ENTREP2: variants seen among roughly 807,000 people sequenced by gnomAD.
ENTREP2 encodes the protein endosomal transmembrane epsin interactor 2.
chr15:29,602,072 A>G, the ENTREP2 span, among the ~76,000 whole-genome samples: 1 of 152,226 alleles, frequency 6.6e-6, no homozygotes, highest in Non-Finnish European at 1.5e-5. Flanking sequence ...GAGTTATTTA[A>G]TGAAACCATG....
At chr15:29,172,314 C>T in the ENTREP2 span, among the ~76,000 whole-genome samples, 1 of 152,188 alleles carries the variant, frequency 6.6e-6, no homozygotes, top group Non-Finnish European at 1.5e-5. Flanking sequence ...ATTTATCTTG[C>T]TAACCACCAT....
the ENTREP2 span, chr15:29,136,384 GC>G: frequency 2.6e-6 from 4 of 1,511,478 alleles, no homozygotes; most frequent in South Asian, 3.9e-5. Context: ...CAGGGGGCTG[GC>G]CCACCACCGC....
chr15:29,321,177 A>C, the ENTREP2 span, among the ~76,000 whole-genome samples: 1 of 152,202 alleles, frequency 6.6e-6, no homozygotes, highest in Non-Finnish European at 1.5e-5. Flanking sequence ...CCAAAGTCCA[A>C]GAGAAGATCT....
At chr15:29,548,448 C>T in the ENTREP2 span, among the ~76,000 whole-genome samples, 1 of 57,962 alleles carries the variant, frequency 1.7e-5, no homozygotes, top group Non-Finnish European at 3.2e-5. Flanking sequence ...GAGCGAGATT[C>T]TGCCTAAAAA....
At chr15:29,357,335 GAATTAATA>G in the ENTREP2 span, among the ~76,000 whole-genome samples, 1 of 151,996 alleles carries the variant, frequency 6.6e-6, no homozygotes, top group Non-Finnish European at 1.5e-5. Context: ...CCCAGTGAAG[GAATTAATA>G]AATTAATAAA....
the ENTREP2 span, among the ~76,000 whole-genome samples, chr15:29,435,838 C>T: frequency 9.0e-3 from 1,371 of 152,104 alleles, 20 homozygotes; most frequent in African/African-American, 0.032. Flanking sequence ...CTGGAGTTTT[C>T]GGTTTTAGTG....
the ENTREP2 span, among the ~76,000 whole-genome samples, chr15:29,163,547 T>A: frequency 6.6e-6 from 1 of 151,804 alleles, no homozygotes; most frequent in Non-Finnish European, 1.5e-5. Flanking sequence ...AGGAATAGAA[T>A]TGAAAAAGTA....
At chr15:29,575,265 G>T in the ENTREP2 span, among the ~76,000 whole-genome samples, 2 of 152,128 alleles carry the variant, frequency 1.3e-5, no homozygotes, top group Admixed American at 1.3e-4. Flanking sequence ...CAAAACAATA[G>T]AAAATTCTCT....
At chr15:29,664,706 G>A in the ENTREP2 span, among the ~76,000 whole-genome samples, 1 of 152,150 alleles carries the variant, frequency 6.6e-6, no homozygotes. Flanking sequence ...TGCATTGACT[G>A]GTCCTCGGCC....
At chr15:29,233,993 G>A in the ENTREP2 span, 94 of 1,496,300 alleles carry the variant, frequency 6.3e-5, 1 homozygote, top group Middle Eastern at 1.7e-4. Context: ...CATAGGAAGA[G>A]TTGAAATATC....
chr15:29,195,008 A>T, the ENTREP2 span: 1 of 515,320 alleles, frequency 1.9e-6, no homozygotes. Flanking sequence ...CCCTCCCAGG[A>T]GGGCTGTGAA....
At chr15:29,626,561 G>A in the ENTREP2 span, among the ~76,000 whole-genome samples, 1 of 152,200 alleles carries the variant, frequency 6.6e-6, no homozygotes, top group African/African-American at 2.4e-5. Flanking sequence ...TTTATTAGCA[G>A]CAGGAGAACA....
the ENTREP2 span, among the ~76,000 whole-genome samples, chr15:29,142,528 G>A: frequency 2.6e-5 from 4 of 152,172 alleles, no homozygotes; most frequent in Non-Finnish European, 4.4e-5. Context: ...GGGGTGAGGC[G>A]GAGAGAAGAC....
chr15:29,595,432 C>T, the ENTREP2 span, among the ~76,000 whole-genome samples: 1 of 152,136 alleles, frequency 6.6e-6, no homozygotes, highest in Non-Finnish European at 1.5e-5. Context: ...AATACTGACA[C>T]ATTATTATTC....
At chr15:29,224,276 G>C in the ENTREP2 span, among the ~76,000 whole-genome samples, 1 of 152,156 alleles carries the variant, frequency 6.6e-6, no homozygotes. Flanking sequence ...TGAAGCTGCA[G>C]ACCTTCGCAG....
At chr15:29,274,638 C>T in the ENTREP2 span, among the ~76,000 whole-genome samples, 2 of 152,136 alleles carry the variant, frequency 1.3e-5, no homozygotes, top group African/African-American at 2.4e-5. Context: ...TGCTTCTTTC[C>T]AGGGATTTCT....
the ENTREP2 span, among the ~76,000 whole-genome samples, chr15:29,332,093 T>C: frequency 6.6e-6 from 1 of 152,200 alleles, no homozygotes; most frequent in Non-Finnish European, 1.5e-5. Flanking sequence ...CACTGCTCAA[T>C]AGGCAAAACT....
the ENTREP2 span, among the ~76,000 whole-genome samples, chr15:29,311,602 G>A: frequency 2.0e-5 from 3 of 152,052 alleles, no homozygotes; most frequent in Non-Finnish European, 2.9e-5. Context: ...AGGCAGGAGA[G>A]TCGCTACAAC....
chr15:29,412,531 T>TA, the ENTREP2 span, among the ~76,000 whole-genome samples: 18 of 152,268 alleles, frequency 1.2e-4, no homozygotes, highest in African/African-American at 4.3e-4. Context: ...ACAGTTCTAT[T>TA]AAGTTTGTAT....
Sources: gnomAD v4.1 joint callset for allele counts (sites outside exome capture counted in the v4.1 genomes callset) on GRCh38, gnomAD v4.1.1 for gene constraint, MANE v1.5 for transcripts, NCBI Gene and HGNC (gene_info 2026-07-23, HGNC 2026-07-21) for gene names.